The following VAC14 variants were observed in gnomAD, a reference collection of about 807,000 sequenced individuals.
VAC14 encodes protein VAC14 homolog.
In VAC14, 47 loss-of-function variants were observed where a neutral mutation model predicts 85.3. That is an observed-to-expected ratio of 0.55 (90% CI 0.44 to 0.70). The LOEUF (loss-of-function observed/expected upper bound fraction) is 0.70. Among genes scored for constraint, VAC14 ranks in the 30% least tolerant of loss-of-function variants. The pLI, the probability that VAC14 is intolerant of heterozygous loss-of-function variation, is 0.00. For synonymous variants in VAC14, 447 were observed against 430.5 expected (o/e 1.04, Z -0.47); for missense variants, 861 against 1,004.3 (o/e 0.86, Z 1.93).
At chr16:70,694,737 G>C (rs1349376149) in intron 17 of VAC14, among the ~76,000 whole-genome samples, 2 of 152,224 alleles carry the variant, frequency 1.3e-5, no homozygotes, top group African/African-American at 4.8e-5. Context: ...GCTGAGAGCT[G>C]TGCTCGCCCC....
intron 13 of VAC14, among the ~76,000 whole-genome samples, chr16:70,741,331 C>T (rs759245319): frequency 7.9e-5 from 12 of 152,268 alleles, no homozygotes; most frequent in Non-Finnish European, 1.8e-4. Flanking sequence ...GCCTTCTGAC[C>T]TCAGCACCAC....
intron 1 of VAC14, among the ~76,000 whole-genome samples, chr16:70,793,328 A>G (rs1180297722): frequency 6.6e-6 from 1 of 152,230 alleles, no homozygotes; most frequent in Non-Finnish European, 1.5e-5. Context: ...GCATGTTTAC[A>G]TACAGGGTCT....
rs1278507331 is a variant in VAC14, at chr16:70,763,029, T to G, written c.1161-4A>C. 6.2e-7 allele frequency: 1 copy of G among 1,614,120 alleles called. No homozygotes were observed. Among genetic ancestry groups the G allele is most frequent in the Admixed American group, 1.7e-5 (1 of 60,028 alleles). ...GGTCACTGGGGCTCTTTCAGTGCTGTGGGTAAGATCGGGAGGGAGAGCAGA... is the reference window on the plus strand; with the variant it reads ...GGTCACTGGGGCTCTTTCAGTGCTGGGGGTAAGATCGGGAGGGAGAGCAGA... On this transcript the variant is annotated splice_polypyrimidine_tract_variant and splice_region_variant and intron_variant, in intron 10 of 18. Transcript: ENST00000261776.
At chr16:70,726,919 C>G (rs908708822) in intron 14 of VAC14, among the ~76,000 whole-genome samples, 6 of 152,212 alleles carry the variant, frequency 3.9e-5, no homozygotes, top group African/African-American at 1.4e-4. Flanking sequence ...CTGGCTGGAG[C>G]TTGGGTACCC....
At position 70,740,300 on chromosome 16, in the gene VAC14, C is replaced by T. The variant is rs117094089; in HGVS notation, c.1528+4123G>A. On this transcript the variant is annotated intron_variant, in intron 13 of 18. Coordinates refer to ENST00000261776, the MANE Select transcript of VAC14 (RefSeq NM_018052.5). ...ATCCCAGCAGCATTGGGCCCCGTGG[C>T]AGGCAAAGTCAGGGAAGACTGGGTT... is the stretch of plus-strand genomic sequence containing the variant. Among the ~76,000 whole-genome samples, 552 of 152,328 alleles carry T rather than the reference C, an allele frequency of 3.6e-3. 2 individuals are homozygous for T. Among genetic ancestry groups the T allele is most frequent in the South Asian group, 0.014 (69 of 4,830 alleles).
intron 9 of VAC14, 120 bp downstream of exon 9, chr16:70,780,670 T>A (rs1402963596): frequency 3.3e-5 from 42 of 1,281,804 alleles, no homozygotes; most frequent in Non-Finnish European, 3.2e-5. Flanking sequence ...GCTACAATTG[T>A]GTGAGTGACA....
chr16:70,703,468 C>T (rs1273644195), intron 14 of VAC14, among the ~76,000 whole-genome samples: 1 of 152,136 alleles, frequency 6.6e-6, no homozygotes, highest in East Asian at 1.9e-4. Context: ...TGGTATATCC[C>T]GATGACTCAG....
intron 18 of VAC14, chr16:70,691,406 G>A (rs557297407): frequency 1.0e-6 from 1 of 985,456 alleles, no homozygotes; most frequent in Admixed American, 6.1e-5. Context: ...TAACACTATG[G>A]GGCGTTGAAG....
chr16:70,797,961 C>G (rs1386314836), intron 1 of VAC14, among the ~76,000 whole-genome samples: 2 of 152,170 alleles, frequency 1.3e-5, no homozygotes, highest in Non-Finnish European at 2.9e-5. Context: ...GAACCGTGAG[C>G]CAAATAAATC....
chr16:70,781,846 T>C (rs754268042), intron 8 of VAC14, 23 bp downstream of exon 8: 1 of 1,612,842 alleles, frequency 6.2e-7, no homozygotes, highest in Non-Finnish European at 8.5e-7. Context: ...CTCTCAATTA[T>C]TCTCTCCCAA....
chr16:70,799,069 G>C (rs775364254), intron 1 of VAC14, among the ~76,000 whole-genome samples: 1 of 152,166 alleles, frequency 6.6e-6, no homozygotes, highest in Non-Finnish European at 1.5e-5. Context: ...CAGATACACA[G>C]GTTGCGCTGG....
intron 16 of VAC14, 52 bp downstream of exon 16, chr16:70,697,087 C>G: frequency 6.7e-7 from 1 of 1,481,700 alleles, no homozygotes; most frequent in Non-Finnish European, 9.4e-7. Flanking sequence ...GGCAGCCGGC[C>G]CCTTCCTGCC....
intron 14 of VAC14, among the ~76,000 whole-genome samples, chr16:70,730,003 G>A (rs924461774): frequency 4.0e-5 from 6 of 151,572 alleles, no homozygotes; most frequent in Admixed American, 2.0e-4. Flanking sequence ...CCACTCTTCC[G>A]GGGCTCCCAC....
Position 70,785,690 on chromosome 16 carries a change from G to GAGA in VAC14, c.423+11_423+12insTCT. 1 of 1,548,522 alleles carries GAGA rather than the reference G, an allele frequency of 6.5e-7. No individual in the cohort carries two copies. Among genetic ancestry groups the GAGA allele is most frequent in the Non-Finnish European group, 8.7e-7 (1 of 1,144,798 alleles). On this transcript the variant is annotated intron_variant, in intron 3 of 18. Coordinates refer to ENST00000261776, the MANE Select transcript of VAC14 (RefSeq NM_018052.5). ...AGCGCAGCTCAGTGAGGAGGAGGAG[G>GAGA]AGGGCGGTTACCTTGCTCAGCCCGT...
intron 13 of VAC14, among the ~76,000 whole-genome samples, chr16:70,736,380 G>A (rs2054753574): frequency 2.6e-5 from 4 of 152,186 alleles, no homozygotes; most frequent in Admixed American, 2.6e-4. Context: ...ATGGATGTCT[G>A]GGGGCTGGTC....
chr16:70,704,815 A>G (rs1390720057), intron 14 of VAC14, among the ~76,000 whole-genome samples: 2 of 152,188 alleles, frequency 1.3e-5, no homozygotes, highest in Non-Finnish European at 2.9e-5. Context: ...GAGGCCCAGG[A>G]GGGCAAAGGA....
At chr16:70,695,714 C>T (rs1460041203) in intron 16 of VAC14, 91 bp from the exon 17 acceptor site, 2 of 1,252,502 alleles carry the variant, frequency 1.6e-6, no homozygotes, top group Admixed American at 1.8e-5. Flanking sequence ...ACCTGGCTTC[C>T]TGTGCACAGA....
chr16:70,721,410 A>T (rs1447052251), intron 14 of VAC14, among the ~76,000 whole-genome samples: 2 of 152,110 alleles, frequency 1.3e-5, no homozygotes, highest in African/African-American at 4.8e-5. Context: ...GTGGGGAAGG[A>T]AAAAGGAGGA....
At chr16:70,772,996 C>T (rs1300998787) in intron 9 of VAC14, 4 of 152,150 alleles carry the variant, frequency 2.6e-5, no homozygotes, top group African/African-American at 9.7e-5. Context: ...TATTGTATCC[C>T]TTTCTCGAAA....
Sources: allele counts gnomAD v4.1 joint callset (sites outside exome capture counted in the v4.1 genomes callset), GRCh38; gene constraint gnomAD v4.1.1; transcripts MANE v1.5; gene names NCBI Gene and HGNC (gene_info 2026-07-23, HGNC 2026-07-21).